The following PTK2 variants were observed in gnomAD, a reference collection of about 807,000 sequenced individuals.
PTK2 encodes the protein protein tyrosine kinase 2.
Under a neutral mutation model 150.1 loss-of-function variants are expected in PTK2, and 45 were observed. That is an observed-to-expected ratio of 0.30 (90% confidence interval 0.24 to 0.38). The LOEUF is 0.38. Ranked by LOEUF, PTK2 falls within the 10% of genes least tolerant of loss-of-function variation. PTK2 has a pLI of 1.00. For missense variants in PTK2, 919 were observed against 1,307.3 expected (o/e 0.70, Z 4.58); for synonymous variants, 432 against 449.2 (o/e 0.96, Z 0.48).
chr8:140,716,264 G>C (rs2100039650), intron 23 of PTK2, among the ~76,000 whole-genome samples: 1 of 152,162 alleles, frequency 6.6e-6, no homozygotes, highest in African/African-American at 2.4e-5. Flanking sequence ...CCGACTCTCA[G>C]TACTGGACTA....
intron 1 of PTK2, among the ~76,000 whole-genome samples, chr8:140,982,986 A>G (rs2100192013): frequency 1.3e-5 from 2 of 152,226 alleles, no homozygotes; most frequent in East Asian, 1.9e-4. Flanking sequence ...GAAAAGTCAC[A>G]GAATTCTCAC....
intron 10 of PTK2, among the ~76,000 whole-genome samples, chr8:140,809,661 C>A (rs1023756624): frequency 6.6e-6 from 1 of 152,050 alleles, no homozygotes; most frequent in Non-Finnish European, 1.5e-5. Flanking sequence ...CAAAAATTAG[C>A]CGAGTGTAAT....
At chr8:140,952,775 G>A (rs189425702) in intron 1 of PTK2, among the ~76,000 whole-genome samples, 1 of 152,204 alleles carries the variant, frequency 6.6e-6, no homozygotes, top group East Asian at 1.9e-4. Flanking sequence ...AGAAGAAAGA[G>A]CAATCTTTGG....
intron 7 of PTK2, among the ~76,000 whole-genome samples, chr8:140,839,977 C>T (rs2154603781): frequency 6.6e-6 from 1 of 152,190 alleles, no homozygotes; most frequent in South Asian, 2.1e-4. Flanking sequence ...AACAGAGTAT[C>T]TTTACAGTGT....
chr8:140,931,869 G>A (rs1290848531), intron 1 of PTK2, among the ~76,000 whole-genome samples: 3 of 145,570 alleles, frequency 2.1e-5, no homozygotes, highest in East Asian at 4.1e-4. Flanking sequence ...GAAGGTGGAG[G>A]CTATAATGAG....
At position 140,772,086 on chromosome 8, in the gene PTK2, G is replaced by A. The variant is rs536178664; in HGVS notation, c.1178-7796C>T. The stretch of plus-strand genomic sequence containing the variant: ...TTACAGGCATAAGCCACCGCGCCCG[G>A]CCGATCCCAGTAACATTTACTGACA... On this transcript the variant is annotated intron_variant, in intron 14 of 31. Transcript: ENST00000522684. Among the ~76,000 whole-genome samples, 38 of 152,186 alleles carry A rather than the reference G, an allele frequency of 2.5e-4. No individual in the cohort carries two copies. In the South Asian group the frequency reaches 7.1e-3, roughly 28 times the overall value.
chr8:140,905,919 C>T (rs1014579943), intron 2 of PTK2, among the ~76,000 whole-genome samples: 2 of 151,864 alleles, frequency 1.3e-5, no homozygotes, highest in Non-Finnish European at 2.9e-5. Context: ...TGAATGACTA[C>T]TGGGTAAATA....
intron 23 of PTK2, among the ~76,000 whole-genome samples, chr8:140,709,648 A>G (rs981228464): frequency 2.0e-5 from 3 of 152,260 alleles, no homozygotes; most frequent in Non-Finnish European, 2.9e-5. Context: ...ATGTTAATAT[A>G]TGTCAAGATC....
intron 10 of PTK2, among the ~76,000 whole-genome samples, chr8:140,815,052 G>A (rs2100103866): frequency 6.6e-6 from 1 of 152,098 alleles, no homozygotes; most frequent in African/African-American, 2.4e-5. Context: ...GGGATTACAG[G>A]TGTGAGCCAC....
At chr8:140,683,181 C>A (rs2100018011) in intron 27 of PTK2, among the ~76,000 whole-genome samples, 1 of 152,016 alleles carries the variant, frequency 6.6e-6, no homozygotes, top group African/African-American at 2.4e-5. Flanking sequence ...ACCACCAACC[C>A]CACAGAAAAA....
chr8:140,878,544 T>C (rs191073889), intron 4 of PTK2, among the ~76,000 whole-genome samples: 38 of 152,016 alleles, frequency 2.5e-4, no homozygotes, highest in African/African-American at 8.7e-4. Flanking sequence ...CAGTGAGCCA[T>C]GTTCATGCCA....
intron 5 of PTK2, among the ~76,000 whole-genome samples, chr8:140,856,989 A>G (rs777736835): frequency 6.6e-6 from 1 of 152,218 alleles, no homozygotes; most frequent in Non-Finnish European, 1.5e-5. Flanking sequence ...GGTGTTCATT[A>G]TAAAATTCTT....
At chr8:140,830,556 A>T in intron 7 of PTK2, 30 bp from the exon 8 acceptor site, 2 of 1,262,608 alleles carry the variant, frequency 1.6e-6, no homozygotes, top group Middle Eastern at 1.9e-4. Context: ...GTATTAACAA[A>T]TAACACCACC....
At chr8:140,740,830 A>G (rs2100055236) in intron 20 of PTK2, among the ~76,000 whole-genome samples, 1 of 152,248 alleles carries the variant, frequency 6.6e-6, no homozygotes, top group Non-Finnish European at 1.5e-5. Context: ...CTTTTCATAT[A>G]TCAAAGGATC....
chr8:140,746,854 A>G, exon 18 of PTK2: 1 of 1,593,840 alleles, frequency 6.3e-7, no homozygotes. Flanking sequence ...AAACTGACGC[A>G]TTGTTACTAG....
At chr8:140,709,420 A>T (rs1269986361) in intron 23 of PTK2, among the ~76,000 whole-genome samples, 7 of 152,240 alleles carry the variant, frequency 4.6e-5, no homozygotes, top group Admixed American at 4.6e-4. Context: ...AATGTTGCTA[A>T]CCAACAGCCA....
intron 1 of PTK2, among the ~76,000 whole-genome samples, chr8:140,949,129 TTTC>T (rs1238753805): frequency 2.0e-5 from 3 of 152,126 alleles, no homozygotes; most frequent in African/African-American, 7.2e-5. Flanking sequence ...TTTCTTAATA[TTTC>T]TTAATATTTC....
At chr8:140,781,977 A>T (rs1422264630) in intron 14 of PTK2, among the ~76,000 whole-genome samples, 2 of 152,048 alleles carry the variant, frequency 1.3e-5, no homozygotes, top group African/African-American at 4.8e-5. Flanking sequence ...TTGATTGTTC[A>T]CTTCCTTATT....
chr8:140,784,544 A>C (rs1056666342), intron 14 of PTK2, among the ~76,000 whole-genome samples: 4 of 152,198 alleles, frequency 2.6e-5, no homozygotes, highest in African/African-American at 9.7e-5. Flanking sequence ...CCTGATTTCT[A>C]GGGTAATTTT....
Sources: gnomAD v4.1 joint callset for allele counts (sites outside exome capture counted in the v4.1 genomes callset) on GRCh38, gnomAD v4.1.1 for gene constraint, MANE v1.5 for transcripts, NCBI Gene and HGNC (gene_info 2026-07-23, HGNC 2026-07-21) for gene names.